Variants in DNM1L observed in about 807,000 individuals in gnomAD.
DNM1L encodes dynamin 1L, also known as dynamin-1-like protein.
In DNM1L, 33 loss-of-function variants were observed where a neutral mutation model predicts 92.8. The observed-to-expected ratio is 0.36, with a 90% CI of 0.27 to 0.48. The LOEUF is 0.48. Ranked by LOEUF, DNM1L falls within the 20% of genes least tolerant of loss-of-function variation. DNM1L has a pLI of 0.99. For missense variants in DNM1L, 485 were observed against 888.8 expected, an observed-to-expected ratio of 0.55 and a Z score of 5.78; for synonymous variants, 284 against 305.0, an observed-to-expected ratio of 0.93 and a Z score of 0.72.
chr12:32,738,059 A>T (rs1052600620), intron 15 of DNM1L, 117 bp downstream of exon 15: 17 of 1,187,156 alleles, frequency 1.4e-5, no homozygotes, highest in Non-Finnish European at 1.8e-5. Flanking sequence ...CTAAGGTCAG[A>T]TCACTTTAGT....
At chr12:32,739,757 G>T in intron 16 of DNM1L, 1 of 335,578 alleles carries the variant, frequency 3.0e-6, no homozygotes, top group South Asian at 3.7e-5. Context: ...ACAATTTAGT[G>T]TTTGAAGGGT....
rs778877877 is a variant in DNM1L at position 32,737,147 on chromosome 12, G to C, written c.1582G>C (p.Val528Leu). The change falls in exon 14 of 20, where the codon GTA becomes CTA. Residue 528 changes from valine (V) to leucine (L), a missense_variant. Coordinates refer to ENST00000549701, the MANE Select transcript of DNM1L (RefSeq NM_012062.5). The part of the protein sequence containing the change: ...NRLARELPSA[V>L]SRDKSSKVPS... Reference sequence around the variant, plus strand: ...GCTAGCCAGAGAATTACCTTCAGCTGTATCACGAGACAAGGTAAAAAAATG... The same window carrying C: ...GCTAGCCAGAGAATTACCTTCAGCTCTATCACGAGACAAGGTAAAAAAATG... The C allele has an allele frequency of 1.9e-6, 3 of 1,613,750 alleles. No individual in the cohort carries two copies. The highest frequency in any genetic ancestry group is 4.5e-5 in the East Asian group (2 of 44,798).
chr12:32,743,275 G>A (rs1955444313), intron 19 of DNM1L, 79 bp from the exon 20 acceptor site: 2 of 1,291,334 alleles, frequency 1.5e-6, no homozygotes, highest in Admixed American at 1.9e-5. Flanking sequence ...CATATATATT[G>A]GAAAAATTAC....
chr12:32,740,577 G>GT, intron 18 of DNM1L, 59 bp downstream of exon 18: 1 of 1,430,040 alleles, frequency 7.0e-7, no homozygotes, highest in Non-Finnish European at 9.7e-7. Context: ...TCTGTGATCT[G>GT]TTTTGAAAAA....
At chr12:32,718,025 TA>T (rs1252617186) in intron 6 of DNM1L, among the ~76,000 whole-genome samples, 1 of 126,926 alleles carries the variant, frequency 7.9e-6, no homozygotes, top group African/African-American at 3.0e-5. Context: ...ATATATATTA[TA>T]AATATATACT....
At position 32,718,628 on chromosome 12, in the gene DNM1L, T is replaced by C; in HGVS notation, c.620-15T>C. On this transcript the variant is annotated splice_polypyrimidine_tract_variant and intron_variant, in intron 6 of 19. Coordinates refer to ENST00000549701, the MANE Select transcript of DNM1L (RefSeq NM_012062.5). ...CTTTCTTTTCTTTGCCCTTTTTTCT[T>C]TTTGCATTTACCAGGTCGCAGAACC... is the stretch of plus-strand genomic sequence containing the variant. 6.2e-7 allele frequency: 1 copy of C among 1,613,564 alleles called. No homozygotes were observed. Among genetic ancestry groups the C allele is most frequent in the Non-Finnish European group, 8.5e-7 (1 of 1,179,638 alleles).
intron 1 of DNM1L, among the ~76,000 whole-genome samples, chr12:32,683,090 C>T (rs556338339): frequency 2.0e-5 from 3 of 152,224 alleles, no homozygotes; most frequent in Admixed American, 6.5e-5. Context: ...TATAGGTATC[C>T]GAATACAGAT....
intron 19 of DNM1L, among the ~76,000 whole-genome samples, chr12:32,742,982 G>A (rs1955420153): frequency 7.4e-6 from 1 of 134,582 alleles, no homozygotes; most frequent in African/African-American, 2.8e-5. Flanking sequence ...TGCAAGCGCC[G>A]CCTCCCAGGT....
At position 32,745,166 on chromosome 12, in the gene DNM1L, T is replaced by TAG; in HGVS notation, c.*1756_*1757insAG. 3.4e-6 allele frequency: 1 copy of TAG among 290,188 alleles called. No individual in the cohort carries two copies. Among genetic ancestry groups the TAG allele is most frequent in the Non-Finnish European group, 6.7e-6 (1 of 148,172 alleles). The allele number at this position is 290,188 out of a possible 1,614,324, so 18.0% of individuals were successfully genotyped here. On this transcript the variant is annotated 3_prime_UTR_variant, in exon 20 of 20. Transcript: ENST00000549701. Reference sequence around the variant, plus strand: ...CAGAGGATACATGCTCCCAAAACGTTTGTTACCACACTTAAAAATCACTGC... The same window carrying TAG: ...CAGAGGATACATGCTCCCAAAACGTTAGTGTTACCACACTTAAAAATCACTGC...
intron 6 of DNM1L, among the ~76,000 whole-genome samples, chr12:32,716,763 T>G (rs1592620043): frequency 1.4e-5 from 2 of 146,098 alleles, no homozygotes; most frequent in African/African-American, 5.0e-5. Context: ...TATATATATA[T>G]AGTAACTGAA....
chr12:32,734,807 CTT>C (rs1378859594), intron 13 of DNM1L, among the ~76,000 whole-genome samples: 1 of 151,908 alleles, frequency 6.6e-6, no homozygotes, highest in East Asian at 1.9e-4. Flanking sequence ...GAAACTCCAT[CTT>C]AAAAAAAAAC....
chr12:32,717,105 A>ATATTTATATATATTTTATATATATACC (rs1953422386), intron 6 of DNM1L, among the ~76,000 whole-genome samples: 1 of 121,032 alleles, frequency 8.3e-6, no homozygotes, highest in Non-Finnish European at 1.6e-5. Context: ...TATATTTTAT[A>ATATTTATATATATTTTATATATATACC]TATTTATATA....
chr12:32,701,444 C>T lies in DNM1L; in HGVS notation c.132C>T (p.Ser44=). ...QSSGKSSVLE[S]LVGRDLLPRG... ...GCGGAAAGAGCTCAGTGCTAGAAAG[C>T]CTGGTGGGGAGGGACCTGCTTCCCA... is the stretch of plus-strand genomic sequence containing the variant. Residue 44 remains serine, a synonymous_variant, in exon 2 of 20, where the codon AGC becomes AGT. Transcript: ENST00000549701. The T allele has an allele frequency of 6.2e-7, 1 of 1,613,938 alleles. No individual in the cohort carries two copies.
Position 32,733,942 on chromosome 12 carries a change from T to C in DNM1L, c.1539+135T>C, listed in dbSNP as rs911281779. ...AGTGCCTGCTGCATGTCAGGAAATA[T>C]GCTGAGGGGATTACATTGTTTTCTT... On this transcript the variant is annotated intron_variant, in intron 13 of 19. Coordinates refer to ENST00000549701, the MANE Select transcript of DNM1L (RefSeq NM_012062.5). 9.4e-6 allele frequency: 7 copies of C among 746,976 alleles called. No homozygotes were observed. In the African/African-American group the frequency reaches 1.2e-4, roughly 13 times the overall value. 46.3% of individuals were successfully genotyped at this position (746,976 alleles called of 1,614,324 possible).
chr12:32,716,382 T>G (rs986662563), intron 6 of DNM1L, among the ~76,000 whole-genome samples: 1 of 152,124 alleles, frequency 6.6e-6, no homozygotes, highest in African/African-American at 2.4e-5. Flanking sequence ...TTGCCCAGGG[T>G]GGAGTGCAGT....
intron 18 of DNM1L, among the ~76,000 whole-genome samples, chr12:32,741,143 G>A (rs144886138): frequency 1.6e-3 from 249 of 152,310 alleles, no homozygotes; most frequent in African/African-American, 5.7e-3. Context: ...TGAAATAAAT[G>A]ATTTTTGTCT....
rs145004400 is a variant in DNM1L, at chr12:32,682,235, T to C, written c.102+2770T>C. On this transcript the variant is annotated intron_variant, in intron 1 of 19. Transcript: ENST00000549701. ...GCAACCTCTGCCTCCCGGCTTCAAGTGATTCTCCTGCCTCAGCCTCCCACA... is the reference window on the plus strand; with the variant it reads ...GCAACCTCTGCCTCCCGGCTTCAAGCGATTCTCCTGCCTCAGCCTCCCACA... Among the ~76,000 whole-genome samples the C allele has an allele frequency of 4.3e-3, 647 of 152,148 alleles. 27 individuals carry two copies. In the East Asian group the frequency reaches 0.092, roughly 22 times the overall value.
intron 1 of DNM1L, among the ~76,000 whole-genome samples, chr12:32,681,376 C>G (rs968615763): frequency 1.3e-5 from 2 of 152,134 alleles, no homozygotes; most frequent in African/African-American, 4.8e-5. Context: ...CGTGGGGAAA[C>G]TCCATCTTTA....
chr12:32,691,825 A>G (rs1013578077), intron 1 of DNM1L, among the ~76,000 whole-genome samples: 2 of 152,222 alleles, frequency 1.3e-5, no homozygotes, highest in African/African-American at 4.8e-5. Flanking sequence ...AACAGATAAA[A>G]GACAAAAGTT....
Sources: allele counts gnomAD v4.1 joint callset (sites outside exome capture counted in the v4.1 genomes callset), GRCh38; gene constraint gnomAD v4.1.1; transcripts MANE v1.5; gene names NCBI Gene and HGNC (gene_info 2026-07-23, HGNC 2026-07-21).